Variants in ITGA9 observed in about 807,000 individuals in gnomAD.
ITGA9 encodes the protein integrin subunit alpha 9.
Under a neutral mutation model 127.8 loss-of-function variants are expected in ITGA9, and 56 were observed. The ratio of observed to expected loss-of-function variants is 0.44; its 90% CI spans 0.35 to 0.55. ITGA9 has a LOEUF of 0.55. ITGA9 is among the 20% of genes least tolerant of loss of function. The pLI is 0.00. For synonymous variants in ITGA9, 508 were observed against 514.5 expected (o/e 0.99, Z 0.17); for missense variants, 1,196 against 1,347.1 (o/e 0.89, Z 1.76).
At chr3:37,455,947 C>T (rs1490329201) in intron 1 of ITGA9, among the ~76,000 whole-genome samples, 1 of 152,182 alleles carries the variant, frequency 6.6e-6, no homozygotes, top group Non-Finnish European at 1.5e-5. Context: ...TCTCTAATCC[C>T]ATAACTGAGC....
intron 26 of ITGA9, among the ~76,000 whole-genome samples, chr3:37,801,518 T>C (rs1697234872): frequency 6.6e-6 from 1 of 152,026 alleles, no homozygotes; most frequent in Admixed American, 6.5e-5. Context: ...ATGCCTATAA[T>C]GCCAGCACTT....
chr3:37,803,401 A>G (rs1036106065), intron 26 of ITGA9, among the ~76,000 whole-genome samples: 3 of 152,214 alleles, frequency 2.0e-5, no homozygotes, highest in African/African-American at 7.2e-5. Context: ...GTATTTATTT[A>G]TTAGTAACAA....
At chr3:37,513,586 C>G (rs953684920) in intron 8 of ITGA9, among the ~76,000 whole-genome samples, 177 bp from the exon 9 acceptor site, 16 of 150,308 alleles carry the variant, frequency 1.1e-4, no homozygotes, top group African/African-American at 2.9e-4. Context: ...TCCCTCCCCC[C>G]TCCCCCAACC....
At chr3:37,529,001 A>G (rs1388868361) in intron 13 of ITGA9, among the ~76,000 whole-genome samples, 10 of 124,390 alleles carry the variant, frequency 8.0e-5, no homozygotes, top group Non-Finnish European at 5.1e-5. Context: ...CATTGGTGGG[A>G]ATATACAGTA....
chr3:37,758,764 A>T (rs1280624545), intron 23 of ITGA9, among the ~76,000 whole-genome samples: 1 of 152,010 alleles, frequency 6.6e-6, no homozygotes, highest in Non-Finnish European at 1.5e-5. Flanking sequence ...AAAAAAAAGT[A>T]TCCTATTGTA....
At chr3:37,805,230 G>A (rs556442631) in intron 27 of ITGA9, among the ~76,000 whole-genome samples, 12 of 151,490 alleles carry the variant, frequency 7.9e-5, no homozygotes, top group African/African-American at 2.9e-4. Flanking sequence ...TTATTTTTTT[G>A]TAAACATAGG....
chr3:37,665,149 T>C (rs965574292), intron 17 of ITGA9, among the ~76,000 whole-genome samples: 1 of 150,950 alleles, frequency 6.6e-6, no homozygotes, highest in Non-Finnish European at 1.5e-5. Flanking sequence ...ATTTTTGTAT[T>C]TTTTTAGTAG....
At chr3:37,541,624 G>A (rs1699271000) in intron 14 of ITGA9, among the ~76,000 whole-genome samples, 1 of 152,030 alleles carries the variant, frequency 6.6e-6, no homozygotes, top group Non-Finnish European at 1.5e-5. Context: ...ACACATTCAG[G>A]TATGGGGGTG....
intron 18 of ITGA9, among the ~76,000 whole-genome samples, chr3:37,700,628 G>A (rs1239551055): frequency 2.0e-5 from 3 of 152,178 alleles, no homozygotes; most frequent in Admixed American, 6.5e-5. Flanking sequence ...GGAGATTACA[G>A]AGTGAGCCAC....
chr3:37,700,618 G>A (rs1338838888), intron 18 of ITGA9, among the ~76,000 whole-genome samples: 1 of 152,136 alleles, frequency 6.6e-6, no homozygotes, highest in Admixed American at 6.5e-5. Context: ...CCAAAGTGCT[G>A]GAGATTACAG....
In ITGA9 at chr3:37,494,034, G is replaced by A. The variant is rs547728178; in HGVS notation, c.545-467G>A. 5.7e-4 allele frequency among the ~76,000 whole-genome samples: 87 copies of A among 152,240 alleles called. 1 individual carries two copies. The South Asian group carries it at 0.017, about 29-fold the overall frequency. On this transcript the variant is annotated intron_variant, in intron 4 of 27. Transcript: ENST00000264741. The stretch of plus-strand genomic sequence containing the variant: ...CTTCTTCTTGCGGTCCTCTGTGGAC[G>A]GCTTGTTTCTTTTTGGATGGTAGGA...
At chr3:37,583,593 A>G (rs1279625295) in intron 15 of ITGA9, among the ~76,000 whole-genome samples, 4 of 152,104 alleles carry the variant, frequency 2.6e-5, no homozygotes, top group Non-Finnish European at 1.5e-5. Context: ...CATGCCCCCA[A>G]TCTTATTTCT....
chr3:37,711,743 G>A (rs144785389), intron 18 of ITGA9, among the ~76,000 whole-genome samples: 1 of 152,272 alleles, frequency 6.6e-6, no homozygotes, highest in African/African-American at 2.4e-5. Flanking sequence ...CAAATAATTT[G>A]TGAACATATT....
rs112936381 is a variant in ITGA9 at position 37,676,490 on chromosome 3, G to A, written c.1917-7375G>A. On this transcript the variant is annotated intron_variant, in intron 17 of 27. Transcript: ENST00000264741. ...AGGGTTGCTGCAGAGCATGTCAGAG[G>A]CTTAATTCTTAGGCACTTTCCTGGC... Among the ~76,000 whole-genome samples the A allele has an allele frequency of 1.9e-3, 295 of 152,228 alleles. 2 individuals carry two copies. The highest frequency in any genetic ancestry group is 6.9e-3 in the African/African-American group (285 of 41,524).
chr3:37,720,941 T>C (rs1025744276), intron 18 of ITGA9, among the ~76,000 whole-genome samples: 4 of 152,162 alleles, frequency 2.6e-5, no homozygotes, highest in African/African-American at 9.7e-5. Context: ...TATTTTTACT[T>C]ATTTTAAATC....
chr3:37,716,143 C>G (rs770110844), intron 18 of ITGA9, among the ~76,000 whole-genome samples: 4 of 152,204 alleles, frequency 2.6e-5, no homozygotes, highest in Non-Finnish European at 5.9e-5. Flanking sequence ...TTCTCAAGCA[C>G]TTCCATCTCT....
At chr3:37,734,987 G>C (rs550870761) in intron 19 of ITGA9, among the ~76,000 whole-genome samples, 2 of 152,318 alleles carry the variant, frequency 1.3e-5, no homozygotes, top group South Asian at 4.1e-4. Context: ...CAGCAGAGAC[G>C]GGGCTCCCCG....
At position 37,503,185 on chromosome 3, in the gene ITGA9, T is replaced by C; in HGVS notation, c.620T>C (p.Val207Ala). The C allele has an allele frequency of 6.2e-7, 1 of 1,613,950 alleles. No individual in the cohort carries two copies. Among genetic ancestry groups the C allele is most frequent in the Non-Finnish European group, 8.5e-7 (1 of 1,179,898 alleles). ...GIAGFFTEEL[V>A]VMGAPGSFYW... ...TGGATTTCTTTTTGGTAGGAGCTGGTGGTGATGGGTGCTCCAGGGTCATTT... is the reference window on the plus strand; with the variant it reads ...TGGATTTCTTTTTGGTAGGAGCTGGCGGTGATGGGTGCTCCAGGGTCATTT... Residue 207 changes from valine (V) to alanine (A), a missense_variant, in exon 6 of 28, where the codon GTG (valine) becomes GCG (alanine). Coordinates refer to ENST00000264741, the MANE Select transcript of ITGA9 (RefSeq NM_002207.3).
chr3:37,616,718 A>G (rs986919764), intron 15 of ITGA9, among the ~76,000 whole-genome samples: 8 of 152,194 alleles, frequency 5.3e-5, no homozygotes, highest in African/African-American at 1.2e-4. Flanking sequence ...CCATTATGTA[A>G]TGGCCTTCTT....
Sources: allele counts gnomAD v4.1 joint callset (sites outside exome capture counted in the v4.1 genomes callset), GRCh38; gene constraint gnomAD v4.1.1; transcripts MANE v1.5; gene names NCBI Gene and HGNC (gene_info 2026-07-23, HGNC 2026-07-21).